Variants in CDON observed in about 807,000 individuals in gnomAD.
CDON encodes cell adhesion associated, oncogene regulated.
A neutral mutation model predicts 120.9 loss-of-function variants in CDON; 73 were observed. The ratio of observed to expected loss-of-function variants is 0.60; its 90% CI spans 0.50 to 0.73. The LOEUF is 0.73. Among genes scored for constraint, CDON ranks in the 30% least tolerant of loss-of-function variants. CDON has a pLI of 0.00. For synonymous variants in CDON, 566 were observed against 573.5 expected (o/e 0.99, Z 0.19); for missense variants, 1,470 against 1,587.3 (o/e 0.93, Z 1.26).
chr11:126,042,274 G>A lies in CDON; in HGVS notation c.-61-18737C>T, dbSNP rs1227019397. On this transcript the variant is annotated intron_variant, in intron 1 of 19. Coordinates refer to ENST00000531738, the MANE Select transcript of CDON (RefSeq NM_001378964.1). ...TTGTACAAGTACTTAAATCAGAGCT[G>A]CCCAAGAAAGACTCAACTGTTTTTA... Among the ~76,000 whole-genome samples, 5 of 152,294 alleles carry A rather than the reference G, an allele frequency of 3.3e-5. No homozygotes were observed. The East Asian group carries it at 9.7e-4, about 29-fold the overall frequency.
chr11:125,995,659 G>A (rs548291235), intron 12 of CDON, among the ~76,000 whole-genome samples: 1 of 152,280 alleles, frequency 6.6e-6, no homozygotes, highest in Admixed American at 6.5e-5. Context: ...CTGAAAATCG[G>A]AACCTAAAGA....
At chr11:125,988,334 G>A (rs1293298771) in intron 15 of CDON, among the ~76,000 whole-genome samples, 2 of 152,126 alleles carry the variant, frequency 1.3e-5, no homozygotes, top group Non-Finnish European at 2.9e-5. Flanking sequence ...TTAGAGCCAA[G>A]GTGGCAATGG....
At chr11:125,973,406 C>T (rs1483349311) in intron 18 of CDON, among the ~76,000 whole-genome samples, 1 of 152,116 alleles carries the variant, frequency 6.6e-6, no homozygotes, top group Non-Finnish European at 1.5e-5. Flanking sequence ...GTGGCGGGCA[C>T]CTGTAATCCC....
chr11:126,025,171 T>C (rs1947760404), intron 1 of CDON, among the ~76,000 whole-genome samples: 1 of 152,056 alleles, frequency 6.6e-6, no homozygotes, highest in African/African-American at 2.4e-5. Context: ...TGCCACTGCA[T>C]TCCAGGCTGG....
intron 18 of CDON, among the ~76,000 whole-genome samples, chr11:125,963,957 A>G (rs928080898): frequency 6.6e-6 from 1 of 152,244 alleles, no homozygotes; most frequent in Non-Finnish European, 1.5e-5. Context: ...AGAAGAGTAC[A>G]GCATTCCCAA....
chr11:126,045,377 G>T (rs1948380345), intron 1 of CDON, among the ~76,000 whole-genome samples: 2 of 151,722 alleles, frequency 1.3e-5, no homozygotes, highest in African/African-American at 4.8e-5. Flanking sequence ...TTGTTAAAAA[G>T]AAAAAATAAT....
intron 15 of CDON, among the ~76,000 whole-genome samples, chr11:125,987,017 CAA>C (rs938827043): frequency 6.6e-5 from 10 of 152,080 alleles, no homozygotes; most frequent in African/African-American, 1.4e-4. Flanking sequence ...CTAAAGAAAA[CAA>C]AAGAGTTTCT....
intron 11 of CDON, among the ~76,000 whole-genome samples, chr11:126,000,595 T>C (rs541715669): frequency 2.7e-5 from 4 of 148,024 alleles, no homozygotes; most frequent in Admixed American, 1.4e-4. Flanking sequence ...TGCCAGAGGG[T>C]GTATAAAATA....
intron 1 of CDON, among the ~76,000 whole-genome samples, chr11:126,026,930 A>C (rs541206845): frequency 6.6e-6 from 1 of 152,342 alleles, no homozygotes; most frequent in East Asian, 1.9e-4. Context: ...AAAAGCAGTG[A>C]AACAAATTTC....
At chr11:125,977,834 T>TA (rs61617990) in intron 18 of CDON, among the ~76,000 whole-genome samples, 77,657 of 150,904 alleles carry the variant, frequency 0.51, 19,898 homozygotes, top group East Asian at 0.56. Flanking sequence ...TTTTAAGAAT[T>TA]AAAAAAAAAC....
chr11:126,058,891 T>C (rs116125523), intron 1 of CDON, among the ~76,000 whole-genome samples: 2,035 of 152,354 alleles, frequency 0.013, 34 homozygotes, highest in African/African-American at 0.046. Context: ...TTTTGGCAGA[T>C]AGATTTTCAT....
chr11:126,015,143 G>T (rs764819952), intron 7 of CDON, 98 bp downstream of exon 7: 1 of 1,190,472 alleles, frequency 8.4e-7, no homozygotes, highest in Non-Finnish European at 1.2e-6. Context: ...CGGTGCTAGG[G>T]TTATTTTCTT....
chr11:125,988,530 C>T (rs1229410063), intron 15 of CDON, among the ~76,000 whole-genome samples: 1 of 152,124 alleles, frequency 6.6e-6, no homozygotes, highest in African/African-American at 2.4e-5. Flanking sequence ...TAGTTACCTA[C>T]TTCTGGGCTG....
intron 16 of CDON, 77 bp from the exon 17 acceptor site, chr11:125,981,406 G>GCACATACGCACACACGCACA: frequency 7.0e-7 from 1 of 1,420,482 alleles, no homozygotes. Context: ...ACACACGCAT[G>GCACATACGCACACACGCACA]CACACATGCA....
chr11:125,965,998 G>A (rs1005204851), intron 18 of CDON, among the ~76,000 whole-genome samples: 3 of 152,090 alleles, frequency 2.0e-5, no homozygotes, highest in Admixed American at 1.3e-4. Flanking sequence ...TTAGCCAGGC[G>A]TGGTGGCGCA....
upstream of CDON, chr11:126,063,335 A>ACGTTCG (rs1294951079): frequency 5.4e-5 from 8 of 149,236 alleles, no homozygotes; most frequent in Admixed American, 5.3e-4. Context: ...CTGTCCCCCG[A>ACGTTCG]GGCCCCGCCC....
chr11:126,009,266 C>A (rs574282056), intron 8 of CDON, among the ~76,000 whole-genome samples: 1 of 152,208 alleles, frequency 6.6e-6, no homozygotes, highest in African/African-American at 2.4e-5. Flanking sequence ...CTTGTTTGCA[C>A]GTGAAGGGAA....
chr11:126,002,064 AG>A (rs1184944075), intron 10 of CDON, among the ~76,000 whole-genome samples: 1 of 140,820 alleles, frequency 7.1e-6, no homozygotes, highest in Non-Finnish European at 1.6e-5. Flanking sequence ...TTTAAAATAA[AG>A]CTAAAATGTC....
At chr11:125,996,368 T>C (rs1946782456) in intron 12 of CDON, among the ~76,000 whole-genome samples, 1 of 152,066 alleles carries the variant, frequency 6.6e-6, no homozygotes, top group African/African-American at 2.4e-5. Context: ...CTGGAAAACA[T>C]ATACGATAAA....
Sources: gnomAD v4.1 joint callset for allele counts (sites outside exome capture counted in the v4.1 genomes callset) on GRCh38, gnomAD v4.1.1 for gene constraint, MANE v1.5 for transcripts, NCBI Gene and HGNC (gene_info 2026-07-23, HGNC 2026-07-21) for gene names.